SOS1: variants seen among roughly 807,000 people sequenced by gnomAD.
The protein encoded by SOS1 is son of sevenless homolog 1.
A neutral mutation model predicts 157.6 loss-of-function variants in SOS1; 25 were observed. The observed-to-expected ratio is 0.16, with a 90% CI of 0.12 to 0.22. SOS1 has a LOEUF of 0.22. Ranked by LOEUF, SOS1 falls within the 10% of genes least tolerant of loss-of-function variation. The pLI is 1.00. For missense variants in SOS1, 1,237 were observed against 1,599.1 expected (o/e 0.77, Z 3.86); for synonymous variants, 528 against 534.0 (o/e 0.99, Z 0.16).
intron 1 of SOS1, among the ~76,000 whole-genome samples, chr2:39,106,780 G>C (rs553169635): frequency 6.6e-6 from 1 of 152,230 alleles, no homozygotes; most frequent in South Asian, 2.1e-4. Flanking sequence ...GCCCAGACTA[G>C]CAAGGAAAAC....
intron 5 of SOS1, 42 bp downstream of exon 5, chr2:39,054,572 C>T (rs1384167917): frequency 8.6e-7 from 1 of 1,160,612 alleles, no homozygotes; most frequent in Non-Finnish European, 1.3e-6. Flanking sequence ...ATGCAAATTT[C>T]ACAACACATT....
chr2:38,995,506 G>A (rs543055540), intron 19 of SOS1, 119 bp from the exon 20 acceptor site: 11 of 755,578 alleles, frequency 1.5e-5, no homozygotes, highest in Non-Finnish European at 2.5e-5. Flanking sequence ...CACTAATAAG[G>A]ACATAATTAT....
At chr2:39,007,623 C>T (rs1262741326) in intron 15 of SOS1, 1 of 169,424 alleles carries the variant, frequency 5.9e-6, no homozygotes, top group Non-Finnish European at 1.3e-5. Context: ...ATATTATTGG[C>T]TACATACATT....
intron 1 of SOS1, among the ~76,000 whole-genome samples, chr2:39,084,371 T>A (rs1000597170): frequency 6.6e-6 from 1 of 152,274 alleles, no homozygotes; most frequent in Non-Finnish European, 1.5e-5. Context: ...TATACATATA[T>A]ACACGTGTAT....
intron 6 of SOS1, among the ~76,000 whole-genome samples, chr2:39,044,846 ACACATGCGCGCGCGCGCG>A (rs1244343768): frequency 1.3e-4 from 13 of 102,070 alleles, no homozygotes; most frequent in African/African-American, 3.2e-4. Context: ...CTGTGTACAC[ACACATGCGCGCGCGCGCG>A]CACACACACA....
chr2:39,111,219 C>A (rs1394474234), intron 1 of SOS1, among the ~76,000 whole-genome samples: 1 of 151,914 alleles, frequency 6.6e-6, no homozygotes, highest in Non-Finnish European at 1.5e-5. Flanking sequence ...GGAGACAGAG[C>A]AAGACTCCAT....
intron 2 of SOS1, among the ~76,000 whole-genome samples, chr2:39,059,108 A>G (rs1183723851): frequency 3.3e-5 from 5 of 152,148 alleles, no homozygotes; most frequent in Non-Finnish European, 1.5e-5. Flanking sequence ...TAGTACTTGT[A>G]TAAAATTTCA....
chr2:39,062,009 T>C (rs943593870), intron 2 of SOS1, among the ~76,000 whole-genome samples: 2 of 142,636 alleles, frequency 1.4e-5, no homozygotes, highest in Non-Finnish European at 3.1e-5. Context: ...AAAAAAAAAA[T>C]CAGATCCCCA....
At chr2:39,073,750 C>A (rs975338081) in intron 1 of SOS1, among the ~76,000 whole-genome samples, 1 of 152,126 alleles carries the variant, frequency 6.6e-6, no homozygotes, top group African/African-American at 2.4e-5. Context: ...TTCAAGAACC[C>A]CTTGGGTAAA....
chr2:39,006,627 C>G (rs1669291063), intron 16 of SOS1, 98 bp from the exon 17 acceptor site: 3 of 745,304 alleles, frequency 4.0e-6, no homozygotes, highest in Admixed American at 2.0e-5. Context: ...ACAACAGTAT[C>G]AATTTGATTT....
chr2:38,986,718 G>GA (rs990156006), intron 22 of SOS1, among the ~76,000 whole-genome samples: 54 of 150,812 alleles, frequency 3.6e-4, no homozygotes, highest in East Asian at 1.6e-3. Flanking sequence ...TCAATTCATA[G>GA]AAAAAAAAAG....
At chr2:39,048,445 G>C (rs551200697) in intron 6 of SOS1, among the ~76,000 whole-genome samples, 1 of 151,532 alleles carries the variant, frequency 6.6e-6, no homozygotes, top group East Asian at 1.9e-4. Flanking sequence ...CTGTCACCCA[G>C]TCTGGAGTAC....
intron 1 of SOS1, chr2:39,098,228 A>G (rs955967258): frequency 1.3e-5 from 3 of 230,304 alleles, no homozygotes; most frequent in Non-Finnish European, 2.7e-5. Context: ...TTTGGTGCCT[A>G]CATATTCTGG....
chr2:39,044,841 T>TAC (rs1670697585), intron 6 of SOS1, among the ~76,000 whole-genome samples: 1 of 129,610 alleles, frequency 7.7e-6, no homozygotes, highest in African/African-American at 3.0e-5. Context: ...GATGACTGTG[T>TAC]ACACACACAT....
At chr2:39,066,029 G>A (rs1031081518) in intron 2 of SOS1, among the ~76,000 whole-genome samples, 2 of 152,070 alleles carry the variant, frequency 1.3e-5, no homozygotes, top group East Asian at 3.9e-4. Flanking sequence ...ATCCAATTTC[G>A]ATTCAGTGAT....
chr2:39,029,517 A>G (rs1362362793), intron 8 of SOS1, among the ~76,000 whole-genome samples: 1 of 151,892 alleles, frequency 6.6e-6, no homozygotes, highest in Non-Finnish European at 1.5e-5. Flanking sequence ...CCAGCTACTC[A>G]GGAGGCTGAG....
chr2:39,082,755 T>G (rs780674153), intron 1 of SOS1: 2 of 152,216 alleles, frequency 1.3e-5, no homozygotes, highest in African/African-American at 4.8e-5. Flanking sequence ...ATTCAACCAA[T>G]CACCTACAGG....
At position 39,058,872 on chromosome 2, in the gene SOS1, C is replaced by G. The variant is rs1343740174; in HGVS notation, c.214-68G>C. On this transcript the variant is annotated intron_variant, in intron 2 of 22. Coordinates refer to ENST00000402219, the MANE Select transcript of SOS1 (RefSeq NM_005633.4). ...AATAGTGCTCTTCACTTAAAATTTA[C>G]TTTTAAAATCAAAGAATACCAAAAG... 3.9e-6 allele frequency: 5 copies of G among 1,279,476 alleles called. No individual in the cohort carries two copies. The African/African-American group carries it at 7.5e-5, about 19-fold the overall frequency. 79.3% of individuals were successfully genotyped at this position (1,279,476 alleles called of 1,614,324 possible). A position where few individuals can be genotyped will look rare whatever the true frequency, so the allele number is the denominator to read the frequency against.
At position 39,067,664 on chromosome 2, in the gene SOS1, T is replaced by C. The variant is rs1208144918; in HGVS notation, c.177A>G (p.Leu59=). The C allele has an allele frequency of 2.5e-6, 4 of 1,613,218 alleles. No homozygotes were observed. Among genetic ancestry groups the C allele is most frequent in the Admixed American group, 3.3e-5 (2 of 60,026 alleles). ...AAGCACTTCGGGGCTGAGCTTGGCATAGCATATTTAATAATTGCAAAATTA... is the reference window on the plus strand; with the variant it reads ...AAGCACTTCGGGGCTGAGCTTGGCACAGCATATTTAATAATTGCAAAATTA... ...EELILQLLNM[L]CQAQPRSASD... The change falls in exon 2 of 23, where the codon CTA becomes CTG. Residue 59 remains leucine (L), a synonymous_variant. Transcript: ENST00000402219.
Sources: allele counts gnomAD v4.1 joint callset (sites outside exome capture counted in the v4.1 genomes callset), GRCh38; gene constraint gnomAD v4.1.1; transcripts MANE v1.5; gene names NCBI Gene and HGNC (gene_info 2026-07-23, HGNC 2026-07-21).